Variants in KLHL29 observed in about 807,000 individuals in gnomAD.
KLHL29 encodes kelch like family member 29, also known as kelch-like protein 29.
In KLHL29, 21 loss-of-function variants were observed where a neutral mutation model predicts 80.4. That is an observed-to-expected ratio of 0.26 (90% CI 0.19 to 0.38). The LOEUF (loss-of-function observed/expected upper bound fraction) is 0.38. Among genes scored for constraint, KLHL29 ranks in the 10% least tolerant of loss-of-function variants. The probability of loss-of-function intolerance (pLI) is 1.00; values close to 1 mark genes in which losing one functional copy is unlikely to be tolerated. For missense variants in KLHL29, 867 were observed against 1,223.9 expected, an observed-to-expected ratio of 0.71 and a Z score of 4.35; for synonymous variants, 511 against 526.8, an observed-to-expected ratio of 0.97 and a Z score of 0.41.
chr2:23,455,001 T>TTTG lies in KLHL29; in HGVS notation c.-153-20559_-153-20558insTTG, dbSNP rs35011378. On this transcript the variant is annotated intron_variant, in intron 1 of 13. Transcript: ENST00000486442. ...ACTCGTAGAAACAGGAACAGTGGGT[T>TTTG]GGGGGGGGGGCATTTATTTCTCTCG... 1.0e-4 allele frequency among the ~76,000 whole-genome samples: 13 copies of TTTG among 127,002 alleles called. No homozygotes were observed. In the East Asian group the frequency reaches 3.2e-3, roughly 32 times the overall value. The allele number at this position is 127,002 out of a possible 152,430, so 83.3% of individuals were successfully genotyped here.
intron 1 of KLHL29, among the ~76,000 whole-genome samples, chr2:23,393,872 G>A (rs1308582517): frequency 1.3e-5 from 2 of 152,140 alleles, no homozygotes; most frequent in African/African-American, 2.4e-5. Context: ...GCACTGGCAC[G>A]GTCACTCCTG....
At chr2:23,529,559 C>A (rs371236980) in intron 2 of KLHL29, among the ~76,000 whole-genome samples, 1 of 152,174 alleles carries the variant, frequency 6.6e-6, no homozygotes, top group Non-Finnish European at 1.5e-5. Context: ...CCCTTCCCCC[C>A]ACCTCAGCCC....
chr2:23,488,040 A>G (rs887148474), intron 2 of KLHL29, among the ~76,000 whole-genome samples: 3 of 152,146 alleles, frequency 2.0e-5, no homozygotes, highest in African/African-American at 7.2e-5. Context: ...GATGCGTGGC[A>G]AGACAATGGG....
intron 8 of KLHL29, among the ~76,000 whole-genome samples, chr2:23,694,471 GTC>G (rs377202843): frequency 3.3e-5 from 5 of 152,174 alleles, no homozygotes; most frequent in South Asian, 2.1e-4. Context: ...AGCCTGAGCG[GTC>G]TCTCTAAAAG....
At chr2:23,469,814 T>C (rs1272748994) in intron 1 of KLHL29, among the ~76,000 whole-genome samples, 2 of 152,170 alleles carry the variant, frequency 1.3e-5, no homozygotes, top group East Asian at 3.9e-4. Context: ...AGTCAAGCTT[T>C]GGTAGGTCCA....
chr2:23,641,589 G>C (rs1572459361), intron 4 of KLHL29, among the ~76,000 whole-genome samples: 1 of 152,300 alleles, frequency 6.6e-6, no homozygotes, highest in East Asian at 1.9e-4. Context: ...TGCTAGTTTT[G>C]TTTTGTTTTG....
rs1671173031 is a variant in KLHL29, at chr2:23,684,203, C to G, written c.941-196C>G. On this transcript the variant is annotated intron_variant, in intron 5 of 13. Transcript: ENST00000486442. This position sits in a 1 kb window ranked among gnomAD's most constrained non-coding sequence, Gnocchi z 4.4. ...TTGTGATTCCTTTGGTTATTAGCCC[C>G]TCCCAGTGGCTGCTTGTTTATGCAT... Among the ~76,000 whole-genome samples, 1 of 152,054 alleles carries G rather than the reference C, an allele frequency of 6.6e-6. No homozygotes were observed. Among genetic ancestry groups the G allele is most frequent in the Non-Finnish European group, 1.5e-5 (1 of 68,034 alleles).
intron 1 of KLHL29, among the ~76,000 whole-genome samples, chr2:23,443,170 C>A (rs1314557668): frequency 2.0e-5 from 3 of 152,126 alleles, no homozygotes; most frequent in Non-Finnish European, 4.4e-5. Flanking sequence ...TAATATTCTG[C>A]CATATTTGCT....
chr2:23,551,740 C>G lies in KLHL29; in HGVS notation c.-45-10412C>G, dbSNP rs574721408. 3.5e-4 allele frequency among the ~76,000 whole-genome samples: 53 copies of G among 152,346 alleles called. 1 individual carries two copies. Among genetic ancestry groups the G allele is most frequent in the Admixed American group, 2.8e-3 (43 of 15,302 alleles). ...AGATCTTAGGCTGGTGCGTCTCAAA[C>G]TTTAACTTGCATGTGAGTGGATCCT... On this transcript the variant is annotated intron_variant, in intron 2 of 13. Transcript: ENST00000486442.
At chr2:23,631,542 G>C (rs1482376573) in intron 3 of KLHL29, among the ~76,000 whole-genome samples, 1 of 152,230 alleles carries the variant, frequency 6.6e-6, no homozygotes, top group Admixed American at 6.5e-5. Context: ...CTCTGAAGGG[G>C]AGGCTGAGGG....
chr2:23,473,548 G>C (rs545959084), intron 1 of KLHL29, among the ~76,000 whole-genome samples: 1 of 152,064 alleles, frequency 6.6e-6, no homozygotes, highest in Non-Finnish European at 1.5e-5. Context: ...AGATGGAAGG[G>C]CAAGGCCACT....
Position 23,628,254 on chromosome 2 carries a change from A to C in KLHL29, c.286-10885A>C, listed in dbSNP as rs115134927. ...GAGCATGTTAAGCGACTATTGAGGA[A>C]GGTCACAAAGGGAGTCGCAGATAAT... On this transcript the variant is annotated intron_variant, in intron 3 of 13. Coordinates refer to ENST00000486442, the MANE Select transcript of KLHL29 (RefSeq NM_052920.2). Among the ~76,000 whole-genome samples, 776 of 152,264 alleles carry C rather than the reference A, an allele frequency of 5.1e-3. 8 individuals are homozygous for C. Among genetic ancestry groups the C allele is most frequent in the African/African-American group, 0.018 (759 of 41,562 alleles).
rs1275840589 is a variant in KLHL29 at position 23,669,671 on chromosome 2, A to G, written c.941-14728A>G. ...CTCAGCGTTTGTGTTCACGTAGGGG[A>G]TGGTCCCCCCTCTGTGTGGCTGCCC... is the stretch of plus-strand genomic sequence containing the variant. On this transcript the variant is annotated intron_variant, in intron 5 of 13. Coordinates refer to ENST00000486442, the MANE Select transcript of KLHL29 (RefSeq NM_052920.2). The surrounding 1 kb of genome is among the most constrained non-coding windows in gnomAD (Gnocchi z 4.3). 2.0e-5 allele frequency among the ~76,000 whole-genome samples: 3 copies of G among 151,990 alleles called. No individual in the cohort carries two copies. Among genetic ancestry groups the G allele is most frequent in the Admixed American group, 2.0e-4 (3 of 15,260 alleles).
intron 2 of KLHL29, among the ~76,000 whole-genome samples, chr2:23,495,724 G>T (rs1572356703): frequency 6.6e-6 from 1 of 152,320 alleles, no homozygotes; most frequent in South Asian, 2.1e-4. Flanking sequence ...GGGCTCCGGG[G>T]GTTGACACCC....
At chr2:23,501,658 A>G (rs1665439893) in intron 2 of KLHL29, among the ~76,000 whole-genome samples, 1 of 152,146 alleles carries the variant, frequency 6.6e-6, no homozygotes, top group Non-Finnish European at 1.5e-5. Context: ...TTTAACTGTT[A>G]CTGTTTTTAT....
chr2:23,532,801 T>G (rs1485305267), intron 2 of KLHL29, among the ~76,000 whole-genome samples: 1 of 152,150 alleles, frequency 6.6e-6, no homozygotes, highest in Non-Finnish European at 1.5e-5. Flanking sequence ...CACAGGCCTC[T>G]GCAAATCGAG....
rs1672578152 is a variant in KLHL29 at position 23,704,276 on chromosome 2, T to C, written c.2444+413T>C. 4.6e-5 allele frequency among the ~76,000 whole-genome samples: 7 copies of C among 152,312 alleles called. No homozygotes were observed. In the South Asian group the frequency reaches 1.5e-3, roughly 32 times the overall value. On this transcript the variant is annotated intron_variant, in intron 13 of 13. Transcript: ENST00000486442. Reference sequence around the variant, plus strand: ...AATGCTCTGAGGACATGAACGATCCTGATGGCTTTGGGAGCTGTGCTCAGA... The same window carrying C: ...AATGCTCTGAGGACATGAACGATCCCGATGGCTTTGGGAGCTGTGCTCAGA...
intron 3 of KLHL29, among the ~76,000 whole-genome samples, chr2:23,599,854 C>T (rs765118866): frequency 3.9e-5 from 6 of 152,216 alleles, no homozygotes; most frequent in Non-Finnish European, 8.8e-5. Context: ...TGCCTCTGTC[C>T]GCATGCTGGT....
At chr2:23,638,710 C>T (rs1235957578) in intron 3 of KLHL29, among the ~76,000 whole-genome samples, 1 of 152,210 alleles carries the variant, frequency 6.6e-6, no homozygotes, top group East Asian at 1.9e-4. Context: ...AGTGGTGGCA[C>T]AGAGGCTGGG....
Sources: gnomAD v4.1 joint callset for allele counts (sites outside exome capture counted in the v4.1 genomes callset) on GRCh38, gnomAD v4.1.1 for gene constraint, Gnocchi (gnomAD v3.1) non-coding constraint, MANE v1.5 for transcripts, NCBI Gene and HGNC (gene_info 2026-07-23, HGNC 2026-07-21) for gene names.